The following MEF2C variants were observed in gnomAD, a reference collection of about 807,000 sequenced individuals.
MEF2C encodes the protein myocyte-specific enhancer factor 2C.
Under a neutral mutation model 50.5 loss-of-function variants are expected in MEF2C, and 6 were observed. The observed-to-expected ratio is 0.12, with a 90% confidence interval of 0.07 to 0.23. The LOEUF is 0.23. MEF2C is among the 10% of genes least tolerant of loss of function. The probability of loss-of-function intolerance (pLI) is 1.00; values close to 1 mark genes in which losing one functional copy is unlikely to be tolerated. For missense variants in MEF2C, 276 were observed against 605.0 expected, an observed-to-expected ratio of 0.46 and a Z score of 5.70; for synonymous variants, 183 against 228.0, an observed-to-expected ratio of 0.80 and a Z score of 1.78.
At chr5:88,763,172 T>C (rs1451675805) in intron 3 of MEF2C, among the ~76,000 whole-genome samples, 1 of 152,206 alleles carries the variant, frequency 6.6e-6, no homozygotes, top group Non-Finnish European at 1.5e-5. Context: ...TATTATGTGG[T>C]AAAATGTTTG....
intron 3 of MEF2C, among the ~76,000 whole-genome samples, chr5:88,798,972 G>C (rs1229609049): frequency 2.0e-5 from 3 of 152,206 alleles, no homozygotes; most frequent in African/African-American, 7.2e-5. Flanking sequence ...ACCAGCAGAG[G>C]CTGGAGAACA....
chr5:88,812,902 T>G (rs933142257), intron 2 of MEF2C, among the ~76,000 whole-genome samples: 2 of 152,126 alleles, frequency 1.3e-5, no homozygotes, highest in African/African-American at 4.8e-5. Flanking sequence ...GTCAACTGTT[T>G]ATTGAGCAGT....
At chr5:88,729,533 T>C in intron 8 of MEF2C, 186 bp from the exon 9 acceptor site, 1 of 587,180 alleles carries the variant, frequency 1.7e-6, no homozygotes, top group Non-Finnish European at 2.9e-6. Flanking sequence ...GACCAGCTGT[T>C]GCCATAGTAA....
At chr5:88,796,385 G>A (rs1796044592) in intron 3 of MEF2C, among the ~76,000 whole-genome samples, 1 of 152,064 alleles carries the variant, frequency 6.6e-6, no homozygotes, top group African/African-American at 2.4e-5. Flanking sequence ...GTGTGTCCAG[G>A]AATTTATTCA....
At chr5:88,765,701 CT>C (rs1779751150) in intron 3 of MEF2C, among the ~76,000 whole-genome samples, 1 of 152,194 alleles carries the variant, frequency 6.6e-6, no homozygotes, top group Non-Finnish European at 1.5e-5. Context: ...AATTGTCATT[CT>C]TTTACAGGGG....
At chr5:88,763,792 C>T (rs1778861984) in intron 3 of MEF2C, among the ~76,000 whole-genome samples, 1 of 151,880 alleles carries the variant, frequency 6.6e-6, no homozygotes, top group African/African-American at 2.4e-5. Flanking sequence ...GCAGTTGGTA[C>T]TACAGGTGTG....
intron 1 of MEF2C, among the ~76,000 whole-genome samples, chr5:88,872,665 G>A (rs998505806): frequency 2.0e-5 from 3 of 151,898 alleles, no homozygotes; most frequent in African/African-American, 4.8e-5. Context: ...CTATGTATCT[G>A]CATTACGGTT....
At chr5:88,858,975 A>G (rs1308284530) in intron 1 of MEF2C, among the ~76,000 whole-genome samples, 1 of 152,226 alleles carries the variant, frequency 6.6e-6, no homozygotes, top group Non-Finnish European at 1.5e-5. Context: ...TACATTTTGC[A>G]CATCTCGACA....
intron 3 of MEF2C, among the ~76,000 whole-genome samples, chr5:88,767,156 T>G (rs1780402562): frequency 6.6e-6 from 1 of 152,198 alleles, no homozygotes; most frequent in South Asian, 2.1e-4. Flanking sequence ...CATTTAAAAT[T>G]TATTCGGCAA....
At chr5:88,887,778 C>T (rs942169959), upstream of MEF2C, among the ~76,000 whole-genome samples, 5 of 152,294 alleles carry the variant, frequency 3.3e-5, no homozygotes, top group African/African-American at 9.6e-5. Flanking sequence ...TAATCTTTAA[C>T]ATAAATAGTG....
rs1756822763 is a variant in MEF2C, at chr5:88,722,855, T to C, written c.1171A>G (p.Lys391Glu). 1 of 1,613,806 alleles carries C rather than the reference T, an allele frequency of 6.2e-7. No homozygotes were observed. Among genetic ancestry groups the C allele is most frequent in the African/African-American group, 1.3e-5 (1 of 74,912 alleles). ...CTAGGAGGAGAAACAGGTTCTGACT[T>C]GATGTTGAGGCTTTGAGTAGAAGGC... The part of the protein sequence containing the change: ...SLPSTQSLNI[K>E]SEPVSPPRDR... The change falls in exon 11 of 11, where the codon AAG (lysine) becomes GAG (glutamate). Residue 391 changes from lysine (K) to glutamate (E), a missense_variant. By Grantham distance (56) the Lys-to-Glu change is moderately conservative. Transcript: ENST00000504921.
intron 3 of MEF2C, among the ~76,000 whole-genome samples, chr5:88,786,231 G>A (rs1790829413): frequency 6.6e-6 from 1 of 152,104 alleles, no homozygotes; most frequent in Non-Finnish European, 1.5e-5. Context: ...GAAAAATAAA[G>A]AAAAATTCAG....
chr5:88,899,021 A>T (rs1835380585), intron 1 of MEF2C, among the ~76,000 whole-genome samples: 1 of 152,168 alleles, frequency 6.6e-6, no homozygotes, highest in Non-Finnish European at 1.5e-5. Context: ...TTCTAAGTTT[A>T]AAAATTTTCC....
At chr5:88,841,187 C>T (rs778903758) in intron 1 of MEF2C, among the ~76,000 whole-genome samples, 2 of 152,040 alleles carry the variant, frequency 1.3e-5, no homozygotes, top group Non-Finnish European at 2.9e-5. Context: ...CCCCGTAATG[C>T]CATTATGTTA....
intron 1 of MEF2C, among the ~76,000 whole-genome samples, chr5:88,897,115 A>T (rs1352354452): frequency 6.6e-6 from 1 of 152,188 alleles, no homozygotes; most frequent in Non-Finnish European, 1.5e-5. Flanking sequence ...TAAACAATTG[A>T]TGATGCATGT....
At chr5:88,790,360 G>A (rs1793170111) in intron 3 of MEF2C, among the ~76,000 whole-genome samples, 1 of 152,212 alleles carries the variant, frequency 6.6e-6, no homozygotes, top group Admixed American at 6.5e-5. Flanking sequence ...TACTCCAGCA[G>A]CATCAGCATC....
intron 6 of MEF2C, chr5:88,738,465 T>C (rs1191584310): frequency 1.1e-6 from 1 of 875,532 alleles, no homozygotes. Context: ...AGTATCCCTA[T>C]GAAAAATGAG....
At chr5:88,814,372 G>A (rs1312403519) in intron 2 of MEF2C, among the ~76,000 whole-genome samples, 1 of 151,854 alleles carries the variant, frequency 6.6e-6, no homozygotes, top group Non-Finnish European at 1.5e-5. Flanking sequence ...GCCTGCCATC[G>A]TAAATGAAAG....
intron 3 of MEF2C, among the ~76,000 whole-genome samples, chr5:88,777,958 G>A (rs1785735146): frequency 7.9e-6 from 1 of 127,056 alleles, no homozygotes; most frequent in Admixed American, 9.7e-5. Flanking sequence ...AGGCTGGAGT[G>A]CTGTGGCACA....
Sources: gnomAD v4.1 joint callset for allele counts (sites outside exome capture counted in the v4.1 genomes callset) on GRCh38, gnomAD v4.1.1 for gene constraint, MANE v1.5 for transcripts, NCBI Gene and HGNC (gene_info 2026-07-23, HGNC 2026-07-21) for gene names.